SPAG16: variants seen among roughly 807,000 people sequenced by gnomAD.
The protein encoded by SPAG16 is sperm associated antigen 16.
SPAG16 carries 86 observed loss-of-function variants against 80.4 expected under a neutral mutation model. The observed-to-expected ratio is 1.07, with a 90% CI of 0.90 to 1.28. SPAG16 has a LOEUF of 1.28. SPAG16 is among the 50% of genes most tolerant of loss of function. SPAG16 has a pLI of 0.00. For missense variants in SPAG16, 870 were observed against 765.3 expected (o/e 1.14, Z -1.61); for synonymous variants, 294 against 265.9 (o/e 1.11, Z -1.03).
At chr2:214,243,955 GA>G (rs1219404600) in intron 15 of SPAG16, among the ~76,000 whole-genome samples, 1 of 151,946 alleles carries the variant, frequency 6.6e-6, no homozygotes, top group East Asian at 1.9e-4. Flanking sequence ...AGAAAGACAG[GA>G]AAGTGTAATG....
chr2:213,719,460 G>A lies in SPAG16; in HGVS notation c.1071-143025G>A, dbSNP rs112579426. Among the ~76,000 whole-genome samples, 20 of 152,206 alleles carry A rather than the reference G, an allele frequency of 1.3e-4. 1 individual carries two copies. The highest frequency in any genetic ancestry group is 2.4e-4 in the African/African-American group (10 of 41,542). ...TATCTAACTAATCTGATGCAGAGGC[G>A]GAGAACCTTTGTATCTAGCTCAGGG... On this transcript the variant is annotated intron_variant, in intron 10 of 15. Coordinates refer to ENST00000331683, the MANE Select transcript of SPAG16 (RefSeq NM_024532.5).
intron 15 of SPAG16, among the ~76,000 whole-genome samples, chr2:214,186,235 A>G (rs1212729965): frequency 6.6e-6 from 1 of 152,160 alleles, no homozygotes; most frequent in Non-Finnish European, 1.5e-5. Context: ...CCACTGCCAC[A>G]GGAGGAGTCT....
intron 15 of SPAG16, among the ~76,000 whole-genome samples, chr2:214,353,457 G>A (rs778934670): frequency 2.1e-4 from 32 of 152,176 alleles, no homozygotes; most frequent in Non-Finnish European, 1.6e-4. Flanking sequence ...ATTATAGAAT[G>A]TTCTGGTACC....
intron 10 of SPAG16, among the ~76,000 whole-genome samples, chr2:213,689,720 G>A (rs549271083): frequency 6.6e-6 from 1 of 151,886 alleles, no homozygotes; most frequent in Non-Finnish European, 1.5e-5. Context: ...TCCTTGGTTA[G>A]TGTCCTAACA....
intron 3 of SPAG16, among the ~76,000 whole-genome samples, chr2:213,307,336 C>T (rs1375295991): frequency 7.1e-6 from 1 of 140,770 alleles, no homozygotes; most frequent in African/African-American, 2.7e-5. Flanking sequence ...GGTATATCTC[C>T]CAATGCTATC....
intron 11 of SPAG16, among the ~76,000 whole-genome samples, chr2:213,893,577 G>A (rs1217316350): frequency 3.3e-5 from 5 of 152,110 alleles, no homozygotes; most frequent in African/African-American, 1.2e-4. Context: ...AAATGTATGT[G>A]TGTGTTGTGG....
At position 213,424,197 on chromosome 2, in the gene SPAG16, A is replaced by G. The variant is rs116989442; in HGVS notation, c.942+49078A>G. Among the ~76,000 whole-genome samples the G allele has an allele frequency of 2.4e-3, 370 of 152,318 alleles. 8 individuals are homozygous for G. In the East Asian group the frequency reaches 0.043, roughly 18 times the overall value. On this transcript the variant is annotated intron_variant, in intron 9 of 15. Coordinates refer to ENST00000331683, the MANE Select transcript of SPAG16 (RefSeq NM_024532.5). ...ATGAGAAAGAAAGTTGTGAGAAGGA[A>G]TCAAATGTTAGGCAGATATATGAGG...
chr2:213,799,663 G>C (rs181415353), intron 10 of SPAG16, among the ~76,000 whole-genome samples: 192 of 151,880 alleles, frequency 1.3e-3, no homozygotes, highest in African/African-American at 4.4e-3. Context: ...TATTTTATGT[G>C]TTTTTCTATA....
At chr2:213,831,477 G>A (rs1379049131) in intron 10 of SPAG16, among the ~76,000 whole-genome samples, 1 of 151,330 alleles carries the variant, frequency 6.6e-6, no homozygotes, top group Admixed American at 6.6e-5. Flanking sequence ...CAAATTAGAT[G>A]AAGTCCTGTT....
At position 213,876,329 on chromosome 2, in the gene SPAG16, A is replaced by C. The variant is rs1238916500; in HGVS notation, c.1214+13701A>C. The stretch of plus-strand genomic sequence containing the variant: ...CAAAAAAAAAAAAAAAAGAAGAAGA[A>C]AAGAAAAGAAAAAGAATCTTTGTGT... On this transcript the variant is annotated intron_variant, in intron 11 of 15. Transcript: ENST00000331683. Among the ~76,000 whole-genome samples, 6 of 149,886 alleles carry C rather than the reference A, an allele frequency of 4.0e-5. No individual in the cohort carries two copies. The South Asian group carries it at 1.3e-3, about 32-fold the overall frequency.
intron 15 of SPAG16, among the ~76,000 whole-genome samples, chr2:214,207,566 A>C (rs1299583543): frequency 6.6e-6 from 1 of 152,046 alleles, no homozygotes; most frequent in Non-Finnish European, 1.5e-5. Flanking sequence ...CTTATTTCTT[A>C]TTATTATTTC....
chr2:213,429,328 T>C (rs577225246), intron 9 of SPAG16, among the ~76,000 whole-genome samples: 1 of 152,236 alleles, frequency 6.6e-6, no homozygotes, highest in Admixed American at 6.5e-5. Context: ...AATTTCCCTG[T>C]TGCCCTTTCC....
intron 15 of SPAG16, among the ~76,000 whole-genome samples, chr2:214,367,055 A>G (rs1161564220): frequency 6.6e-6 from 1 of 152,088 alleles, no homozygotes; most frequent in East Asian, 1.9e-4. Context: ...CCTAGGGAGG[A>G]GGGTTCCTGT....
intron 13 of SPAG16, among the ~76,000 whole-genome samples, chr2:214,015,958 A>G (rs75640042): frequency 0.015 from 2,360 of 152,304 alleles, 59 homozygotes; most frequent in African/African-American, 0.054. Context: ...TGCATTAAGC[A>G]TAGGAAGTTT....
chr2:214,314,159 A>G (rs1036120488), intron 15 of SPAG16, among the ~76,000 whole-genome samples: 1 of 152,306 alleles, frequency 6.6e-6, no homozygotes, highest in African/African-American at 2.4e-5. Context: ...GCTTCTGGAA[A>G]TAATTTTAAT....
intron 10 of SPAG16, among the ~76,000 whole-genome samples, chr2:213,604,702 T>C (rs1483637053): frequency 6.6e-6 from 1 of 152,022 alleles, no homozygotes; most frequent in East Asian, 1.9e-4. Context: ...ACCTTTCCCT[T>C]CTACAGTTCT....
intron 15 of SPAG16, among the ~76,000 whole-genome samples, chr2:214,398,663 T>C (rs1701536856): frequency 6.6e-6 from 1 of 152,246 alleles, no homozygotes; most frequent in African/African-American, 2.4e-5. Flanking sequence ...CGGAATGTAA[T>C]ATTATAGAAT....
chr2:214,185,258 A>G (rs560138607), intron 15 of SPAG16, among the ~76,000 whole-genome samples: 4 of 152,112 alleles, frequency 2.6e-5, no homozygotes, highest in South Asian at 2.1e-4. Flanking sequence ...TAAGGTTATT[A>G]TATGCATAAA....
At chr2:214,387,322 A>G (rs917272660) in intron 15 of SPAG16, among the ~76,000 whole-genome samples, 32 of 152,188 alleles carry the variant, frequency 2.1e-4, no homozygotes, top group African/African-American at 7.7e-4. Context: ...ATTATCATAT[A>G]TATGTTATTT....
Sources: gnomAD v4.1 joint callset for allele counts (sites outside exome capture counted in the v4.1 genomes callset) on GRCh38, gnomAD v4.1.1 for gene constraint, MANE v1.5 for transcripts, NCBI Gene and HGNC (gene_info 2026-07-23, HGNC 2026-07-21) for gene names.